The following CERS6 variants were observed in gnomAD, a reference collection of about 807,000 sequenced individuals.
The protein encoded by CERS6 is LAG1 homolog, ceramide synthase 6.
Under a neutral mutation model 56.8 loss-of-function variants are expected in CERS6, and 26 were observed. That is an observed-to-expected ratio of 0.46 (90% CI 0.34 to 0.63). The LOEUF is 0.63. Among genes scored for constraint, CERS6 ranks in the 30% least tolerant of loss-of-function variants. CERS6 has a pLI of 0.01. For synonymous variants in CERS6, 164 were observed against 173.3 expected (o/e 0.95, Z 0.42); for missense variants, 415 against 467.5 (o/e 0.89, Z 1.04).
chr2:168,510,418 G>T (rs1694758182), intron 1 of CERS6, among the ~76,000 whole-genome samples: 1 of 152,192 alleles, frequency 6.6e-6, no homozygotes, highest in Non-Finnish European at 1.5e-5. Flanking sequence ...TAGATTCACA[G>T]ATACCATTGT....
At chr2:168,636,110 CATGAAATACTTCTATAAG>C (rs1684854208) in intron 4 of CERS6, among the ~76,000 whole-genome samples, 1 of 152,034 alleles carries the variant, frequency 6.6e-6, no homozygotes, top group African/African-American at 2.4e-5. Flanking sequence ...AAATGACCCC[CATGAAATACTTCTATAAG>C]AAGTGCACAT....
chr2:168,725,429 G>A (rs976278937), intron 8 of CERS6, among the ~76,000 whole-genome samples: 2 of 152,272 alleles, frequency 1.3e-5, no homozygotes, highest in African/African-American at 4.8e-5. Context: ...GCGAGCGAGG[G>A]CTGTGAGGAC....
intron 3 of CERS6, among the ~76,000 whole-genome samples, chr2:168,562,331 A>G (rs1433759300): frequency 6.6e-6 from 1 of 152,218 alleles, no homozygotes; most frequent in Non-Finnish European, 1.5e-5. Flanking sequence ...AAGAAGACAC[A>G]AAGTATAGAG....
chr2:168,638,685 C>T (rs1435827406), intron 4 of CERS6, among the ~76,000 whole-genome samples: 1 of 152,086 alleles, frequency 6.6e-6, no homozygotes, highest in Non-Finnish European at 1.5e-5. Flanking sequence ...TAGTGGTATG[C>T]CATACTTTGA....
At chr2:168,745,813 C>T (rs1287539968) in intron 8 of CERS6, among the ~76,000 whole-genome samples, 1 of 152,122 alleles carries the variant, frequency 6.6e-6, no homozygotes, top group East Asian at 1.9e-4. Context: ...GGAGAGTGGG[C>T]GTCCCCAGCA....
At chr2:168,754,936 C>A (rs1013260645) in intron 8 of CERS6, among the ~76,000 whole-genome samples, 1 of 152,056 alleles carries the variant, frequency 6.6e-6, no homozygotes, top group African/African-American at 2.4e-5. Flanking sequence ...CTGTCACACC[C>A]GGCTAATTTT....
intron 8 of CERS6, among the ~76,000 whole-genome samples, chr2:168,724,167 C>T (rs1004822357): frequency 2.6e-5 from 4 of 151,650 alleles, no homozygotes; most frequent in Admixed American, 6.6e-5. Context: ...TTCGTGGTCT[C>T]GCTGGCTCAG....
intron 2 of CERS6, 147 bp from the exon 3 acceptor site, chr2:168,561,045 G>C (rs930406251): frequency 1.4e-5 from 10 of 712,208 alleles, no homozygotes; most frequent in South Asian, 2.3e-5. Flanking sequence ...GGAAGGCCTC[G>C]GTCCTCAGAG....
intron 4 of CERS6, among the ~76,000 whole-genome samples, chr2:168,673,740 C>T (rs1437159489): frequency 1.3e-5 from 2 of 152,162 alleles, no homozygotes; most frequent in Non-Finnish European, 2.9e-5. Flanking sequence ...AATTAAGGAA[C>T]TTTTGTCTCT....
intron 4 of CERS6, among the ~76,000 whole-genome samples, chr2:168,662,435 G>A (rs1685653922): frequency 6.6e-6 from 1 of 152,052 alleles, no homozygotes; most frequent in South Asian, 2.1e-4. Context: ...TACCTACAAA[G>A]ACCCTGGAAA....
At chr2:168,489,573 T>TG (rs1011892430) in intron 1 of CERS6, among the ~76,000 whole-genome samples, 51 of 152,016 alleles carry the variant, frequency 3.4e-4, no homozygotes, top group African/African-American at 9.6e-4. Context: ...CTCAACAAAT[T>TG]TTTTTTTCTT....
At chr2:168,500,915 G>C (rs1255860037) in intron 1 of CERS6, among the ~76,000 whole-genome samples, 1 of 152,182 alleles carries the variant, frequency 6.6e-6, no homozygotes, top group African/African-American at 2.4e-5. Context: ...CCACAATGTG[G>C]CCTAGCATAT....
rs535953488 is a variant in CERS6 at position 168,531,472 on chromosome 2, G to T, written c.171-16124G>T. ...TGACATAGTAAGCTGGAAGTTTTCT[G>T]GCTCTTTCACAAATCTGTGCATCTT... On this transcript the variant is annotated intron_variant, in intron 1 of 9. Coordinates refer to ENST00000305747, the MANE Select transcript of CERS6 (RefSeq NM_203463.3). Among the ~76,000 whole-genome samples, 4 of 152,230 alleles carry T rather than the reference G, an allele frequency of 2.6e-5. No homozygotes were observed. The East Asian group carries it at 7.7e-4, about 29-fold the overall frequency.
chr2:168,508,054 T>TATTTG (rs1264079242), intron 1 of CERS6, among the ~76,000 whole-genome samples: 1 of 152,210 alleles, frequency 6.6e-6, no homozygotes, highest in Non-Finnish European at 1.5e-5. Flanking sequence ...CTTGATTTTT[T>TATTTG]ATTTGCTTTT....
chr2:168,486,292 T>C (rs974699544), intron 1 of CERS6, among the ~76,000 whole-genome samples: 3 of 152,128 alleles, frequency 2.0e-5, no homozygotes, highest in Non-Finnish European at 4.4e-5. Context: ...TCTTGTCCTT[T>C]TATTCTCTTT....
At chr2:168,711,158 G>A (rs1429501431) in intron 6 of CERS6, among the ~76,000 whole-genome samples, 1 of 152,118 alleles carries the variant, frequency 6.6e-6, no homozygotes, top group Non-Finnish European at 1.5e-5. Context: ...ACTTTCCAGG[G>A]TAGAAAATAA....
chr2:168,706,686 T>C (rs537342277), intron 6 of CERS6, among the ~76,000 whole-genome samples: 1 of 152,356 alleles, frequency 6.6e-6, no homozygotes, highest in Non-Finnish European at 1.5e-5. Context: ...CGGACAGCTA[T>C]GAAAATTAAA....
At chr2:168,685,075 A>G (rs1686313047) in intron 4 of CERS6, among the ~76,000 whole-genome samples, 1 of 152,252 alleles carries the variant, frequency 6.6e-6, no homozygotes, top group Non-Finnish European at 1.5e-5. Context: ...TACATAGAGA[A>G]CAAATGTCTG....
intron 4 of CERS6, among the ~76,000 whole-genome samples, chr2:168,648,145 G>A (rs951601500): frequency 1.3e-5 from 2 of 151,802 alleles, no homozygotes; most frequent in Non-Finnish European, 2.9e-5. Context: ...CAGGTCCTGG[G>A]CTTTTTGTTG....
Sources: gnomAD v4.1 joint callset for allele counts (sites outside exome capture counted in the v4.1 genomes callset) on GRCh38, gnomAD v4.1.1 for gene constraint, MANE v1.5 for transcripts, NCBI Gene and HGNC (gene_info 2026-07-23, HGNC 2026-07-21) for gene names.